Variants in HTR7 observed in about 807,000 individuals in gnomAD.
HTR7 encodes 5-HT-7.
A neutral mutation model predicts 34.0 loss-of-function variants in HTR7; 16 were observed. The ratio of observed to expected loss-of-function variants is 0.47; its 90% CI spans 0.32 to 0.71. HTR7 has a LOEUF of 0.71. HTR7 is among the 30% of genes least tolerant of loss of function. HTR7 has a pLI of 0.04. For synonymous variants in HTR7, 265 were observed against 260.2 expected, an observed-to-expected ratio of 1.02 and a Z score of -0.18; for missense variants, 504 against 625.5, an observed-to-expected ratio of 0.81 and a Z score of 2.07.
chr10:90,748,865 C>T lies in HTR7; in HGVS notation c.1269G>A (p.Glu423=). Residue 423 remains glutamate (E), a synonymous_variant, in exon 2 of 4, where the codon GAG becomes GAA. Coordinates refer to ENST00000336152, the MANE Select transcript of HTR7 (RefSeq NM_019859.4). The part of the protein sequence containing the change: ...AGMHEALKLA[E]RPERPEFVLR... Reference sequence around the variant, plus strand: ...GCACAAACTCAGGTCTCTCTGGCCTCTCAGCAAGCTTCAGGGCTTCATGCA... The same window carrying T: ...GCACAAACTCAGGTCTCTCTGGCCTTTCAGCAAGCTTCAGGGCTTCATGCA... 6.2e-7 allele frequency: 1 copy of T among 1,613,878 alleles called. No individual in the cohort carries two copies. Among genetic ancestry groups the T allele is most frequent in the East Asian group, 2.2e-5 (1 of 44,882 alleles).
At chr10:90,750,694 T>C (rs907632505) in intron 1 of HTR7, among the ~76,000 whole-genome samples, 7 of 152,220 alleles carry the variant, frequency 4.6e-5, no homozygotes, top group African/African-American at 1.7e-4. Flanking sequence ...GTTAGTCAGT[T>C]AGTAGGTTAG....
intron 1 of HTR7, among the ~76,000 whole-genome samples, chr10:90,821,134 G>GCACACACA (rs3035231): frequency 0.21 from 31,236 of 150,154 alleles, 3,169 homozygotes; most frequent in African/African-American, 0.22. Context: ...ACACACACAT[G>GCACACACA]CACACACACA....
At chr10:90,767,702 T>C (rs548878542) in intron 1 of HTR7, among the ~76,000 whole-genome samples, 1 of 152,206 alleles carries the variant, frequency 6.6e-6, no homozygotes, top group Non-Finnish European at 1.5e-5. Flanking sequence ...AAATTCCCCC[T>C]GCATTTAGCT....
intron 1 of HTR7, among the ~76,000 whole-genome samples, chr10:90,821,134 G>GCGCA (rs111550818): frequency 6.7e-6 from 1 of 150,204 alleles, no homozygotes; most frequent in African/African-American, 2.5e-5. Context: ...ACACACACAT[G>GCGCA]CACACACACA....
intron 1 of HTR7, among the ~76,000 whole-genome samples, chr10:90,848,861 T>A (rs1846451924): frequency 6.6e-6 from 1 of 152,250 alleles, no homozygotes; most frequent in South Asian, 2.1e-4. Flanking sequence ...TGGGAATTTA[T>A]GTGAACTGTA....
At chr10:90,829,706 T>C (rs976229561) in intron 1 of HTR7, among the ~76,000 whole-genome samples, 6 of 152,218 alleles carry the variant, frequency 3.9e-5, no homozygotes, top group Non-Finnish European at 8.8e-5. Context: ...GATATGAACT[T>C]ACATTTGGAA....
At chr10:90,748,295 C>G (rs929668374) in intron 2 of HTR7, among the ~76,000 whole-genome samples, 1 of 152,116 alleles carries the variant, frequency 6.6e-6, no homozygotes, top group Non-Finnish European at 1.5e-5. Flanking sequence ...CCACCATGTC[C>G]GGCTCTTGTA....
chr10:90,817,058 T>C (rs7082401), intron 1 of HTR7, among the ~76,000 whole-genome samples: 59,253 of 152,098 alleles, frequency 0.39, 12,917 homozygotes, highest in African/African-American at 0.6. Flanking sequence ...CTGAAGCAGA[T>C]AGCCATACCA....
intron 1 of HTR7, among the ~76,000 whole-genome samples, chr10:90,751,551 C>T (rs767625085): frequency 6.6e-6 from 1 of 152,062 alleles, no homozygotes; most frequent in African/African-American, 2.4e-5. Flanking sequence ...GAGTGAAGTC[C>T]AGCAGGTAGA....
intron 1 of HTR7, among the ~76,000 whole-genome samples, chr10:90,782,661 G>A (rs1845322495): frequency 6.6e-6 from 1 of 152,134 alleles, no homozygotes; most frequent in Non-Finnish European, 1.5e-5. Context: ...TGGTGCAAAA[G>A]ACTCAACAAA....
chr10:90,743,461 C>T, intron 3 of HTR7, 132 bp downstream of exon 3: 1 of 725,518 alleles, frequency 1.4e-6, no homozygotes, highest in East Asian at 2.6e-5. Context: ...TAGCCCAGGG[C>T]CACTGTCTCT....
At position 90,857,376 on chromosome 10, in the gene HTR7, T is replaced by C. The variant is rs1468597654; in HGVS notation, c.296A>G (p.Asn99Ser). Residue 99 changes from asparagine to serine, a missense_variant, in exon 1 of 4, where the codon AAC becomes AGC. By Grantham distance (46) the Asn-to-Ser change is conservative. Coordinates refer to ENST00000336152, the MANE Select transcript of HTR7 (RefSeq NM_019859.4). The surrounding 1 kb of genome is among the most constrained non-coding windows in gnomAD (Gnocchi z 6.5). The part of the protein sequence containing the change: ...TLITLLTIAG[N>S]CLVVISVCFV... ...GCACACGGAGATCACCACCAGGCAG[T>C]TGCCCGCGATCGTCAGCAGCGTGAT... 6.8e-6 allele frequency: 11 copies of C among 1,613,894 alleles called. No homozygotes were observed. The highest frequency in any genetic ancestry group is 1.3e-5 in the African/African-American group (1 of 74,878).
intron 1 of HTR7, among the ~76,000 whole-genome samples, chr10:90,832,661 G>C (rs540006335): frequency 6.6e-6 from 1 of 152,326 alleles, no homozygotes; most frequent in East Asian, 1.9e-4. Flanking sequence ...CTCAAGCATG[G>C]CCAGAATGGG....
intron 2 of HTR7, among the ~76,000 whole-genome samples, chr10:90,747,701 C>T (rs1844662135): frequency 6.6e-6 from 1 of 152,160 alleles, no homozygotes; most frequent in Non-Finnish European, 1.5e-5. Context: ...ACAAGATGAC[C>T]AGGAAGGTCC....
Position 90,857,406 on chromosome 10 carries a change from G to T in HTR7, c.266C>A (p.Thr89Lys). The T allele has an allele frequency of 6.2e-7, 1 of 1,614,072 alleles. No homozygotes were observed. Among genetic ancestry groups the T allele is most frequent in the Non-Finnish European group, 8.5e-7 (1 of 1,180,022 alleles). Residue 89 changes from threonine (T) to lysine (K), a missense_variant, in exon 1 of 4, where the codon ACG becomes AAG. Coordinates refer to ENST00000336152, the MANE Select transcript of HTR7 (RefSeq NM_019859.4). The surrounding 1 kb of genome is among the most constrained non-coding windows in gnomAD (Gnocchi z 6.5). The stretch of plus-strand genomic sequence containing the variant: ...CGCGATCGTCAGCAGCGTGATGAGC[G>T]TCAGGATGGAGCCGATCACAACTTT... ...VEKVVIGSILTLITLLTIAGN... is the reference protein window; with the variant it reads ...VEKVVIGSILKLITLLTIAGN...
At chr10:90,774,720 G>A (rs1484631919) in intron 1 of HTR7, among the ~76,000 whole-genome samples, 2 of 152,156 alleles carry the variant, frequency 1.3e-5, no homozygotes, top group African/African-American at 4.8e-5. Flanking sequence ...GGGCCCCACA[G>A]CCCCAGGACC....
rs145875390 is a variant in HTR7 at position 90,743,401 on chromosome 10, C to T, written c.1393+192G>A. ...CCCAGACTCAGCACTCTAGGCTCCA[C>T]GTATCTGAAGAGGGGACTGGCAACC... On this transcript the variant is annotated intron_variant, in intron 3 of 3. Coordinates refer to ENST00000336152, the MANE Select transcript of HTR7 (RefSeq NM_019859.4). Among the ~76,000 whole-genome samples the T allele has an allele frequency of 1.1e-3, 165 of 152,312 alleles. 1 individual carries two copies. Among genetic ancestry groups the T allele is most frequent in the East Asian group, 8.7e-3 (45 of 5,172 alleles).
intron 1 of HTR7, among the ~76,000 whole-genome samples, chr10:90,827,767 AT>A (rs1846100988): frequency 6.6e-6 from 1 of 152,244 alleles, no homozygotes; most frequent in African/African-American, 2.4e-5. Context: ...ATAAACCCCA[AT>A]ACAATGATAG....
At chr10:90,777,919 C>T (rs759329636) in intron 1 of HTR7, among the ~76,000 whole-genome samples, 21 of 152,306 alleles carry the variant, frequency 1.4e-4, no homozygotes, top group Admixed American at 2.6e-4. Context: ...CCACCACCCC[C>T]AAATCCCACA....
Sources: gnomAD v4.1 joint callset for allele counts (sites outside exome capture counted in the v4.1 genomes callset) on GRCh38, gnomAD v4.1.1 for gene constraint, Gnocchi (gnomAD v3.1) non-coding constraint, MANE v1.5 for transcripts, NCBI Gene and HGNC (gene_info 2026-07-23, HGNC 2026-07-21) for gene names.